The following BSDC1 variants were observed in gnomAD, a reference collection of about 807,000 sequenced individuals.
BSDC1 encodes the protein BSD domain containing 1, also known as BSD domain-containing protein 1.
BSDC1 carries 29 observed loss-of-function variants against 56.0 expected under a neutral mutation model. The observed-to-expected ratio is 0.52, with a 90% CI of 0.39 to 0.71. The LOEUF (loss-of-function observed/expected upper bound fraction) is 0.71. BSDC1 is among the 30% of genes least tolerant of loss of function. BSDC1 has a pLI of 0.00. For missense variants in BSDC1, 477 were observed against 548.5 expected, an observed-to-expected ratio of 0.87 and a Z score of 1.30; for synonymous variants, 210 against 215.3, an observed-to-expected ratio of 0.98 and a Z score of 0.21.
In BSDC1 at chr1:32,376,546, T is replaced by G. The variant is rs370603325; in HGVS notation, c.872A>C (p.Asn291Thr). ...TCGTGCCTCAGGTGCAGTGGCCGGGTTGGCGATCTGTGTCACGAGGGAGAT... is the reference window on the plus strand; with the variant it reads ...TCGTGCCTCAGGTGCAGTGGCCGGGGTGGCGATCTGTGTCACGAGGGAGAT... ...ESISLVTQIA[N>T]PATAPEARVL... Residue 291 changes from asparagine to threonine, a missense_variant, in exon 9 of 11, where the codon AAC (asparagine) becomes ACC (threonine). Physicochemically the swap from Asn to Thr is moderately conservative, Grantham distance 65 (BLOSUM62 0). Transcript: ENST00000455895. 6.4e-7 allele frequency: 1 copy of G among 1,557,778 alleles called. No individual in the cohort carries two copies. Among genetic ancestry groups the G allele is most frequent in the Non-Finnish European group, 8.7e-7 (1 of 1,143,608 alleles).
chr1:32,382,898 A>G (rs1449381536), intron 4 of BSDC1, among the ~76,000 whole-genome samples: 5 of 151,500 alleles, frequency 3.3e-5, no homozygotes, highest in African/African-American at 7.3e-5. Flanking sequence ...AAGAAGAAGA[A>G]AAGAAAATGC....
At chr1:32,374,372 G>A (rs1642201513) in intron 9 of BSDC1, among the ~76,000 whole-genome samples, 2 of 152,192 alleles carry the variant, frequency 1.3e-5, no homozygotes, top group Admixed American at 1.3e-4. Context: ...TAATCTTTCT[G>A]AAGTCACATG....
intron 9 of BSDC1, among the ~76,000 whole-genome samples, chr1:32,374,410 C>T (rs192013233): frequency 1.5e-3 from 229 of 152,270 alleles, no homozygotes; most frequent in African/African-American, 5.1e-3. Flanking sequence ...GGATTTGAAC[C>T]CAGAACTGTC....
intron 9 of BSDC1, among the ~76,000 whole-genome samples, chr1:32,375,896 C>CT (rs1419379459): frequency 6.6e-6 from 1 of 152,192 alleles, no homozygotes; most frequent in Non-Finnish European, 1.5e-5. Context: ...TCTGGGCCTC[C>CT]TGGCCATGTG....
intron 4 of BSDC1, among the ~76,000 whole-genome samples, 161 bp from the exon 5 acceptor site, chr1:32,381,429 G>A (rs1251743523): frequency 6.6e-6 from 1 of 152,214 alleles, no homozygotes; most frequent in Non-Finnish European, 1.5e-5. Context: ...CACAGAGAGT[G>A]GGGCACTAGG....
chr1:32,367,935 G>A, intron 10 of BSDC1: 1 of 1,033,392 alleles, frequency 9.7e-7, no homozygotes, highest in Non-Finnish European at 1.2e-6. Flanking sequence ...GATCACACTG[G>A]TCTTTTGTCT....
intron 10 of BSDC1, chr1:32,367,970 C>T: frequency 9.1e-7 from 1 of 1,096,082 alleles, no homozygotes; most frequent in African/African-American, 1.6e-5. Flanking sequence ...ATACTCAGGC[C>T]TCATACCTGA....
At chr1:32,391,887 G>T (rs1243662020) in intron 2 of BSDC1, among the ~76,000 whole-genome samples, 1 of 152,182 alleles carries the variant, frequency 6.6e-6, no homozygotes, top group Non-Finnish European at 1.5e-5. Flanking sequence ...CTTAATAACA[G>T]CTAATGCTTA....
In BSDC1 at chr1:32,378,784, C is replaced by G; in HGVS notation, c.468G>C (p.Lys156Asn). 6.4e-7 allele frequency: 1 copy of G among 1,554,184 alleles called. No homozygotes were observed. The change falls in exon 6 of 11, where the codon AAG becomes AAC. Residue 156 changes from lysine (K) to asparagine (N), a missense_variant. Coordinates refer to ENST00000455895, the MANE Select transcript of BSDC1 (RefSeq NM_018045.8). This position sits in a 1 kb window ranked among gnomAD's most constrained non-coding sequence, Gnocchi z 5.2. ...WLSQFCLEEK[K>N]GEISELLVGS... The stretch of plus-strand genomic sequence containing the variant: ...CTACAAGGAGCTCTGAGATCTCCCC[C>G]TTCTTCTCCTCCAAGCAGAACTGGG...
In BSDC1 at chr1:32,386,594, AATT is replaced by A. The variant is rs541431847; in HGVS notation, c.189+182_189+184del. The A allele has an allele frequency of 4.1e-5, 21 of 511,248 alleles. No individual in the cohort carries two copies. In the East Asian group the frequency reaches 6.3e-4, roughly 15 times the overall value. The allele number at this position is 511,248 out of a possible 1,614,324, so 31.7% of individuals were successfully genotyped here. A position where few individuals can be genotyped will look rare whatever the true frequency, so the allele number is the denominator to read the frequency against. ...AAAACAATACAGAAGTGGGAAAACT[AATT>A]ATTACTTAAAATATGCAGCTTGTTT... On this transcript the variant is annotated intron_variant, in intron 3 of 10. Coordinates refer to ENST00000455895, the MANE Select transcript of BSDC1 (RefSeq NM_018045.8).
intron 2 of BSDC1, among the ~76,000 whole-genome samples, chr1:32,388,409 C>T (rs1178015315): frequency 1.3e-5 from 2 of 151,982 alleles, no homozygotes; most frequent in Non-Finnish European, 2.9e-5. Flanking sequence ...AAATTGTGCC[C>T]TGGGTCATTT....
intron 9 of BSDC1, among the ~76,000 whole-genome samples, chr1:32,369,696 C>T (rs1048401427): frequency 9.9e-5 from 15 of 152,212 alleles, no homozygotes; most frequent in African/African-American, 3.6e-4. Context: ...AACTTTTCAC[C>T]TCCTTCATGC....
chr1:32,391,303 G>C (rs1283765402), intron 2 of BSDC1, among the ~76,000 whole-genome samples: 1 of 152,166 alleles, frequency 6.6e-6, no homozygotes, highest in Non-Finnish European at 1.5e-5. Context: ...GGCTTTGAGG[G>C]TGGGGAGAGA....
At chr1:32,388,957 CTTT>C (rs756507594) in intron 2 of BSDC1, among the ~76,000 whole-genome samples, 6 of 141,232 alleles carry the variant, frequency 4.2e-5, no homozygotes, top group Admixed American at 7.1e-5. Context: ...TCTTTTTTTT[CTTT>C]TTTTTTTTTT....
chr1:32,384,313 C>A (rs1570152924), intron 3 of BSDC1, among the ~76,000 whole-genome samples: 1 of 152,148 alleles, frequency 6.6e-6, no homozygotes, highest in Admixed American at 6.5e-5. Context: ...GACACATCAA[C>A]AGGGAAGAGA....
intron 9 of BSDC1, chr1:32,369,404 G>C: frequency 1.3e-6 from 1 of 759,726 alleles, no homozygotes; most frequent in Non-Finnish European, 1.9e-6. Flanking sequence ...AGCTACTCAG[G>C]AGGCTGAGGT....
Position 32,386,902 on chromosome 1 carries a change from G to A in BSDC1, c.73-7C>T, listed in dbSNP as rs1427611829. 1 of 1,610,360 alleles carries A rather than the reference G, an allele frequency of 6.2e-7. No homozygotes were observed. Among genetic ancestry groups the A allele is most frequent in the African/African-American group, 1.3e-5 (1 of 74,846 alleles). ...ACTCCAAGGCTTCAGAGGACTGTGG[G>A]AAGACAGAGAGGGATGCCAGGGCCA... On this transcript the variant is annotated splice_region_variant and splice_polypyrimidine_tract_variant and intron_variant, in intron 2 of 10. Transcript: ENST00000455895.
At chr1:32,367,040 G>T (rs1641879328) in intron 10 of BSDC1, 6 of 1,009,854 alleles carry the variant, frequency 5.9e-6, no homozygotes, top group Non-Finnish European at 7.1e-6. Flanking sequence ...GCAGATACTT[G>T]GCCCTGGACA....
chr1:32,368,639 A>G (rs1641946255), intron 9 of BSDC1, 89 bp from the exon 10 acceptor site: 1 of 1,557,104 alleles, frequency 6.4e-7, no homozygotes, highest in South Asian at 1.2e-5. Context: ...GCATGCTTCA[A>G]AAGGGTCTCA....
Sources: allele counts gnomAD v4.1 joint callset (sites outside exome capture counted in the v4.1 genomes callset), GRCh38; gene constraint gnomAD v4.1.1; non-coding constraint Gnocchi (gnomAD v3.1); transcripts MANE v1.5; gene names NCBI Gene and HGNC (gene_info 2026-07-23, HGNC 2026-07-21).